The following SMYD3 variants were observed in gnomAD, a reference collection of about 807,000 sequenced individuals.
SMYD3 encodes the protein SET and MYND domain containing 3.
In SMYD3, 36 loss-of-function variants were observed where a neutral mutation model predicts 57.7. That is an observed-to-expected ratio of 0.62 (90% CI 0.48 to 0.82). The LOEUF (loss-of-function observed/expected upper bound fraction) is 0.82, where lower values mean the gene tolerates loss of function less well. SMYD3 is among the 40% of genes least tolerant of loss of function. The pLI is 0.00. For synonymous variants in SMYD3, 211 were observed against 195.0 expected, an observed-to-expected ratio of 1.08 and a Z score of -0.68; for missense variants, 515 against 538.8, an observed-to-expected ratio of 0.96 and a Z score of 0.44.
chr1:246,422,027 T>C (rs1415730420), intron 1 of SMYD3, among the ~76,000 whole-genome samples: 1 of 152,142 alleles, frequency 6.6e-6, no homozygotes, highest in Non-Finnish European at 1.5e-5. Flanking sequence ...CCAAAAGTAA[T>C]ATTATACCAG....
intron 5 of SMYD3, among the ~76,000 whole-genome samples, chr1:246,148,137 GGAC>G (rs1390013726): frequency 2.6e-5 from 4 of 152,158 alleles, no homozygotes; most frequent in Admixed American, 2.0e-4. Context: ...ACCGGAGTGG[GGAC>G]TTGTGGTGCC....
At chr1:245,950,043 G>A (rs1024240264) in intron 5 of SMYD3, among the ~76,000 whole-genome samples, 1 of 152,148 alleles carries the variant, frequency 6.6e-6, no homozygotes, top group African/African-American at 2.4e-5. Flanking sequence ...AGAAGCAATT[G>A]TTAGACCAGG....
At chr1:246,439,107 G>T (rs1215214710) in intron 1 of SMYD3, among the ~76,000 whole-genome samples, 1 of 29,160 alleles carries the variant, frequency 3.4e-5, no homozygotes, top group African/African-American at 9.7e-5. Context: ...GTTATTTTCG[G>T]GGGGGGGGGT....
intron 1 of SMYD3, among the ~76,000 whole-genome samples, chr1:246,421,176 G>C (rs2067137906): frequency 6.6e-6 from 1 of 152,106 alleles, no homozygotes; most frequent in South Asian, 2.1e-4. Context: ...TAAGGAAGAA[G>C]CTTCTTTAAT....
intron 5 of SMYD3, among the ~76,000 whole-genome samples, chr1:246,086,444 T>C (rs1191724798): frequency 6.6e-6 from 1 of 152,102 alleles, no homozygotes; most frequent in East Asian, 1.9e-4. Context: ...TGCTTGCAGG[T>C]GAGAAGACCT....
intron 5 of SMYD3, among the ~76,000 whole-genome samples, chr1:246,123,620 A>AC (rs1558249143): frequency 1.3e-5 from 2 of 149,382 alleles, no homozygotes; most frequent in Admixed American, 6.7e-5. Flanking sequence ...ACACACACAC[A>AC]AATCATTCTG....
At chr1:246,205,602 G>A (rs1384473847) in intron 5 of SMYD3, among the ~76,000 whole-genome samples, 1 of 151,666 alleles carries the variant, frequency 6.6e-6, no homozygotes, top group Non-Finnish European at 1.5e-5. Context: ...CAGACAGATC[G>A]TGAGGTCAGG....
In SMYD3 at chr1:246,123,571, AACACACAC is replaced by A. The variant is rs557543331; in HGVS notation, c.532-193642_532-193635del. ...GAGACAGAGTGAGACTCCATCTCAA[AACACACAC>A]ACACACACACACACACACACACACA... is the stretch of plus-strand genomic sequence containing the variant. On this transcript the variant is annotated intron_variant, in intron 5 of 11. Transcript: ENST00000490107. 5.5e-3 allele frequency among the ~76,000 whole-genome samples: 712 copies of A among 129,568 alleles called. 8 individuals carry two copies. The highest frequency in any genetic ancestry group is 8.3e-3 in the Middle Eastern group (2 of 240). The allele number at this position is 129,568 out of a possible 152,430, so 85.0% of individuals were successfully genotyped here. A position where few individuals can be genotyped will look rare whatever the true frequency, so the allele number is the denominator to read the frequency against.
intron 1 of SMYD3, among the ~76,000 whole-genome samples, chr1:246,413,658 A>G (rs1004982576): frequency 6.6e-6 from 1 of 151,990 alleles, no homozygotes; most frequent in African/African-American, 2.4e-5. Flanking sequence ...CCACCCCCAC[A>G]CACTAGCTCC....
chr1:246,361,188 T>C (rs1281622546), intron 1 of SMYD3, among the ~76,000 whole-genome samples: 1 of 152,106 alleles, frequency 6.6e-6, no homozygotes, highest in Non-Finnish European at 1.5e-5. Context: ...AACAAGCATA[T>C]GGAAAAATGC....
intron 5 of SMYD3, among the ~76,000 whole-genome samples, chr1:245,995,226 C>T (rs1322310476): frequency 1.3e-5 from 2 of 152,236 alleles, no homozygotes; most frequent in African/African-American, 4.8e-5. Context: ...TTACATATCA[C>T]AGGTGGCTTC....
chr1:246,005,484 T>C (rs1188132712), intron 5 of SMYD3, among the ~76,000 whole-genome samples: 1 of 152,166 alleles, frequency 6.6e-6, no homozygotes, highest in Non-Finnish European at 1.5e-5. Flanking sequence ...AAAATGCGGA[T>C]AGTCACCTGT....
intron 5 of SMYD3, among the ~76,000 whole-genome samples, chr1:246,083,517 G>T (rs2060677353): frequency 6.6e-6 from 1 of 152,144 alleles, no homozygotes; most frequent in South Asian, 2.1e-4. Context: ...GCCGGCGCGG[G>T]TCCCCTGCGC....
At chr1:246,124,575 G>A (rs2061476460) in intron 5 of SMYD3, among the ~76,000 whole-genome samples, 1 of 152,072 alleles carries the variant, frequency 6.6e-6, no homozygotes, top group Non-Finnish European at 1.5e-5. Flanking sequence ...CAATGTAAGT[G>A]CAAAAAAATG....
At chr1:246,227,337 C>T (rs1463684164) in intron 5 of SMYD3, among the ~76,000 whole-genome samples, 1 of 152,170 alleles carries the variant, frequency 6.6e-6, no homozygotes, top group Non-Finnish European at 1.5e-5. Flanking sequence ...CAACTTTGGC[C>T]GGGTGCGGCG....
chr1:245,858,513 C>T lies in SMYD3; in HGVS notation c.1059G>A (p.Arg353=), dbSNP rs762839040. 2 of 1,614,030 alleles carry T rather than the reference C, an allele frequency of 1.2e-6. No individual in the cohort carries two copies. Among genetic ancestry groups the T allele is most frequent in the South Asian group, 2.2e-5 (2 of 91,036 alleles). ...GGACTTGCCTGTATGGCTCCATGGT[C>T]CGAGTACCATAGAACAAGGCTTCCT... ...LLEEALFYGT[R]TMEPYRIFFP... Residue 353 remains arginine, a synonymous_variant, in exon 10 of 12, where the codon CGG becomes CGA. Transcript: ENST00000490107.
intron 5 of SMYD3, among the ~76,000 whole-genome samples, chr1:246,262,480 C>G (rs1421041594): frequency 2.0e-5 from 3 of 152,156 alleles, no homozygotes; most frequent in African/African-American, 7.2e-5. Context: ...GGTTTTATTA[C>G]CCTTCATTTC....
Position 246,036,816 on chromosome 1 carries a change from G to A in SMYD3, c.532-106879C>T, listed in dbSNP as rs182244670. Among the ~76,000 whole-genome samples, 14 of 150,284 alleles carry A rather than the reference G, an allele frequency of 9.3e-5. No homozygotes were observed. The East Asian group carries it at 1.2e-3, about 13-fold the overall frequency. On this transcript the variant is annotated intron_variant, in intron 5 of 11. Transcript: ENST00000490107. ...CCTGACCTCGTGATCCGCCCGCCTC[G>A]GCCTCCCAAAGTGCTGGGATTATAG...
At chr1:246,109,020 C>T (rs781185605) in intron 5 of SMYD3, among the ~76,000 whole-genome samples, 1 of 152,154 alleles carries the variant, frequency 6.6e-6, no homozygotes, top group East Asian at 1.9e-4. Context: ...TCTTCATATG[C>T]CATGGAACTG....
Sources: allele counts gnomAD v4.1 joint callset (sites outside exome capture counted in the v4.1 genomes callset), GRCh38; gene constraint gnomAD v4.1.1; transcripts MANE v1.5; gene names NCBI Gene and HGNC (gene_info 2026-07-23, HGNC 2026-07-21).